The following NCOR1 variants were observed in gnomAD, a reference collection of about 807,000 sequenced individuals.
NCOR1 encodes nuclear receptor corepressor 1.
Under a neutral mutation model 288.1 loss-of-function variants are expected in NCOR1, and 63 were observed. The ratio of observed to expected loss-of-function variants is 0.22; its 90% confidence interval spans 0.18 to 0.27. NCOR1 has a LOEUF of 0.27. NCOR1 is among the 10% of genes least tolerant of loss of function. The pLI, the probability that NCOR1 is intolerant of heterozygous loss-of-function variation, is 1.00. For synonymous variants in NCOR1, 1,007 were observed against 1,065.9 expected, an observed-to-expected ratio of 0.94 and a Z score of 1.08; for missense variants, 2,397 against 3,019.2, an observed-to-expected ratio of 0.79 and a Z score of 4.83.
At chr17:16,086,635 G>A (rs2064275629) in intron 22 of NCOR1, among the ~76,000 whole-genome samples, 193 bp from the exon 23 acceptor site, 1 of 151,994 alleles carries the variant, frequency 6.6e-6, no homozygotes, top group Non-Finnish European at 1.5e-5. Context: ...TACTATTTGT[G>A]GGGTTGAAAT....
intron 21 of NCOR1, among the ~76,000 whole-genome samples, chr17:16,094,000 C>G (rs111681635): frequency 2.6e-5 from 4 of 152,074 alleles, no homozygotes; most frequent in African/African-American, 9.7e-5. Flanking sequence ...CTCAAACTCT[C>G]GAGCTCAAGG....
intron 18 of NCOR1, among the ~76,000 whole-genome samples, chr17:16,112,529 C>T (rs891286808): frequency 5.3e-5 from 8 of 152,298 alleles, no homozygotes; most frequent in African/African-American, 1.9e-4. Flanking sequence ...CGGAGTCTCA[C>T]TCTGTCGCCC....
chr17:16,197,716 A>G (rs2090096446), intron 1 of NCOR1, among the ~76,000 whole-genome samples: 1 of 152,188 alleles, frequency 6.6e-6, no homozygotes, highest in Non-Finnish European at 1.5e-5. Context: ...CAGTGAGAGC[A>G]CACATTAAAA....
At chr17:16,044,443 A>T (rs1284281970) in intron 42 of NCOR1, 1 of 471,856 alleles carries the variant, frequency 2.1e-6, no homozygotes, top group Non-Finnish European at 4.4e-6. Flanking sequence ...TTCTTTTGAC[A>T]GGATCAGGAG....
At chr17:16,033,721 G>C (rs1973075418) in intron 45 of NCOR1, among the ~76,000 whole-genome samples, 1 of 152,104 alleles carries the variant, frequency 6.6e-6, no homozygotes, top group South Asian at 2.1e-4. Context: ...TTTACAAATA[G>C]GCACAAAATA....
At chr17:16,109,018 G>C (rs1208142062) in intron 18 of NCOR1, 106 bp from the exon 19 acceptor site, 1 of 874,218 alleles carries the variant, frequency 1.1e-6, no homozygotes, top group African/African-American at 1.7e-5. Flanking sequence ...CACCAGACAA[G>C]GAGGTCACAT....
chr17:16,081,038 T>C (rs1481022954), intron 23 of NCOR1, among the ~76,000 whole-genome samples: 1 of 151,902 alleles, frequency 6.6e-6, no homozygotes, highest in Non-Finnish European at 1.5e-5. Context: ...TAAGCTACTA[T>C]TATTAATATT....
At chr17:16,108,988 C>T (rs1207149340) in intron 18 of NCOR1, 76 bp from the exon 19 acceptor site, 1 of 1,194,120 alleles carries the variant, frequency 8.4e-7, no homozygotes, top group Non-Finnish European at 1.1e-6. Context: ...TAATGTAGAA[C>T]ATTGATAAGC....
chr17:16,176,564 C>A (rs570230829), intron 3 of NCOR1, among the ~76,000 whole-genome samples: 1 of 150,682 alleles, frequency 6.6e-6, no homozygotes, highest in African/African-American at 2.5e-5. Flanking sequence ...CCACCACGCC[C>A]GGCCTCTTTC....
At chr17:16,125,901 G>A (rs1378401321) in intron 15 of NCOR1, among the ~76,000 whole-genome samples, 181 bp downstream of exon 15, 2 of 152,054 alleles carry the variant, frequency 1.3e-5, no homozygotes, top group Non-Finnish European at 2.9e-5. Context: ...GAGAGGGTGC[G>A]AGGGGGTGGG....
At chr17:16,078,068 T>C (rs1298067952) in intron 26 of NCOR1, among the ~76,000 whole-genome samples, 5 of 152,228 alleles carry the variant, frequency 3.3e-5, no homozygotes, top group African/African-American at 1.2e-4. Context: ...GAGTTGCCAA[T>C]GACCATGATT....
chr17:16,202,897 C>G (rs2091017269), intron 1 of NCOR1, among the ~76,000 whole-genome samples: 1 of 152,160 alleles, frequency 6.6e-6, no homozygotes, highest in Non-Finnish European at 1.5e-5. Context: ...TATTTTGGTA[C>G]ACACCTTAGA....
At chr17:16,070,056 T>C in intron 31 of NCOR1, 109 bp downstream of exon 31, 4 of 1,383,606 alleles carry the variant, frequency 2.9e-6, no homozygotes, top group African/African-American at 1.4e-5. Context: ...CCTGTAGATC[T>C]TGGGATACTC....
chr17:16,051,993 C>T (rs1210720300), intron 40 of NCOR1, among the ~76,000 whole-genome samples: 2 of 152,190 alleles, frequency 1.3e-5, no homozygotes, highest in African/African-American at 4.8e-5. Flanking sequence ...CTCAAAAGAT[C>T]AACAAATTCA....
intron 41 of NCOR1, 22 bp downstream of exon 41, chr17:16,048,823 T>C (rs2058973697): frequency 6.4e-7 from 1 of 1,571,092 alleles, no homozygotes; most frequent in East Asian, 2.3e-5. Flanking sequence ...GAATGGTTGC[T>C]GTCACTAGGA....
chr17:16,093,917 C>CT (rs951663007), intron 21 of NCOR1, among the ~76,000 whole-genome samples: 12 of 151,434 alleles, frequency 7.9e-5, no homozygotes, highest in Non-Finnish European at 1.0e-4. Flanking sequence ...TTTTTAATGC[C>CT]TTTTTTTTGA....
chr17:16,171,689 C>T, intron 4 of NCOR1, 114 bp downstream of exon 4: 2 of 969,830 alleles, frequency 2.1e-6, no homozygotes, highest in Non-Finnish European at 2.8e-6. Flanking sequence ...TTTCCCATAC[C>T]ACTAACCTTT....
chr17:16,039,587 G>C lies in NCOR1; in HGVS notation c.6801C>G (p.Ile2267Met). 1 of 1,614,102 alleles carries C rather than the reference G, an allele frequency of 6.2e-7. No homozygotes were observed. The change falls in exon 44 of 46, where the codon ATC becomes ATG. Residue 2267 changes from isoleucine (I) to methionine (M), a missense_variant. Ile to Met is a conservative substitution (Grantham distance 10). Transcript: ENST00000268712. ...CAAAGCTTCCCATGAGAGCCTTCCT[G>C]ATAATGTCTTCCAGCCCAAGATTAC... ...PASNLGLEDI[I>M]RKALMGSFDD...
chr17:16,131,804 A>AT (rs1331999179), intron 14 of NCOR1, among the ~76,000 whole-genome samples: 2 of 152,352 alleles, frequency 1.3e-5, no homozygotes, highest in African/African-American at 4.8e-5. Context: ...GGCAATAAAG[A>AT]TAACAGTGGC....
Sources: gnomAD v4.1 joint callset for allele counts (sites outside exome capture counted in the v4.1 genomes callset) on GRCh38, gnomAD v4.1.1 for gene constraint, MANE v1.5 for transcripts, NCBI Gene and HGNC (gene_info 2026-07-23, HGNC 2026-07-21) for gene names.